Variants in PNPLA1 observed in about 807,000 individuals in gnomAD.
PNPLA1 encodes patatin like domain 1, omega-hydroxyceramide transacylase.
A neutral mutation model predicts 51.7 loss-of-function variants in PNPLA1; 36 were observed. The ratio of observed to expected loss-of-function variants is 0.70; its 90% confidence interval spans 0.53 to 0.92. The LOEUF (loss-of-function observed/expected upper bound fraction) is 0.92. PNPLA1 is among the 40% of genes least tolerant of loss of function. The pLI is 0.00. For synonymous variants in PNPLA1, 293 were observed against 280.1 expected (o/e 1.05, Z -0.46); for missense variants, 658 against 682.5 (o/e 0.96, Z 0.40).
At chr6:36,275,175 C>T (rs138472131) in intron 1 of PNPLA1, among the ~76,000 whole-genome samples, 1 of 152,124 alleles carries the variant, frequency 6.6e-6, no homozygotes, top group Non-Finnish European at 1.5e-5. Context: ...AACTCCTAGG[C>T]TCAAGTGATC....
At chr6:36,311,190 C>A (rs1161555235) in intron 8 of PNPLA1, among the ~76,000 whole-genome samples, 1 of 152,204 alleles carries the variant, frequency 6.6e-6, no homozygotes, top group Non-Finnish European at 1.5e-5. Flanking sequence ...GTTTGAGAAC[C>A]ACTGGATTAC....
At chr6:36,281,174 A>G (rs1770269546) in intron 1 of PNPLA1, among the ~76,000 whole-genome samples, 3 of 152,124 alleles carry the variant, frequency 2.0e-5, no homozygotes. Context: ...AGTGTTCCTT[A>G]ATACATGAAT....
At chr6:36,281,916 G>A (rs1582062789) in intron 1 of PNPLA1, among the ~76,000 whole-genome samples, 1 of 151,802 alleles carries the variant, frequency 6.6e-6, no homozygotes, top group Middle Eastern at 3.4e-3. Context: ...AGCTACTCGG[G>A]GGGCTGAAGC....
In PNPLA1 at chr6:36,260,204, T is replaced by C. The variant is rs532750772; in HGVS notation, c.-81+16943T>C. ...TACTAGGAGGCTGAAGCAGGAGGAT[T>C]GCTTGAGCCCAAGAGTTTAAGGCTG... On this transcript the variant is annotated intron_variant, in intron 1 of 7. Transcript: ENST00000312917. 1.7e-3 allele frequency among the ~76,000 whole-genome samples: 254 copies of C among 152,090 alleles called. 2 individuals are homozygous for C. The highest frequency in any genetic ancestry group is 3.2e-3 in the Non-Finnish European group (219 of 67,984).
At chr6:36,287,107 C>T (rs577201830) in intron 1 of PNPLA1, among the ~76,000 whole-genome samples, 6 of 152,172 alleles carry the variant, frequency 3.9e-5, no homozygotes, top group African/African-American at 1.4e-4. Context: ...GGGATGATCT[C>T]GCCTTCAAGC....
At chr6:36,261,911 A>C (rs570767428) in intron 1 of PNPLA1, among the ~76,000 whole-genome samples, 2 of 152,322 alleles carry the variant, frequency 1.3e-5, no homozygotes, top group East Asian at 3.9e-4. Flanking sequence ...ATGGATGCTG[A>C]TCTGATCCCT....
At chr6:36,296,532 A>C (rs1417541962) in intron 5 of PNPLA1, among the ~76,000 whole-genome samples, 1 of 152,154 alleles carries the variant, frequency 6.6e-6, no homozygotes, top group Non-Finnish European at 1.5e-5. Flanking sequence ...CTTTTTGTGT[A>C]TGTAGCTTTA....
At chr6:36,271,369 C>T (rs1169760845) in intron 1 of PNPLA1, among the ~76,000 whole-genome samples, 1 of 152,208 alleles carries the variant, frequency 6.6e-6, no homozygotes, top group Non-Finnish European at 1.5e-5. Flanking sequence ...GCCTAGTGAG[C>T]TACCTTGGAG....
At chr6:36,276,947 G>A (rs562426174) in intron 1 of PNPLA1, among the ~76,000 whole-genome samples, 2 of 152,320 alleles carry the variant, frequency 1.3e-5, no homozygotes, top group African/African-American at 4.8e-5. Flanking sequence ...CCTATTGAAT[G>A]TTAGAGAATT....
intron 1 of PNPLA1, among the ~76,000 whole-genome samples, chr6:36,248,067 T>C (rs575263402): frequency 6.6e-6 from 1 of 152,276 alleles, no homozygotes; most frequent in African/African-American, 2.4e-5. Context: ...CCGTGTACCA[T>C]GCCCTCTCTC....
intron 2 of PNPLA1, among the ~76,000 whole-genome samples, chr6:36,292,698 A>T (rs1462812468): frequency 6.6e-6 from 1 of 152,156 alleles, no homozygotes; most frequent in Non-Finnish European, 1.5e-5. Context: ...GCACTCCCAA[A>T]GGTGGGCCTC....
chr6:36,290,792 C>A (rs1770650565), intron 1 of PNPLA1, among the ~76,000 whole-genome samples: 1 of 152,204 alleles, frequency 6.6e-6, no homozygotes, highest in South Asian at 2.1e-4. Flanking sequence ...AAGTTCACCT[C>A]CTCCTCATGA....
chr6:36,282,088 A>AGAAAGAAAGAAGGAAGGAAG (rs1554136580), intron 1 of PNPLA1, among the ~76,000 whole-genome samples: 21 of 98,854 alleles, frequency 2.1e-4, no homozygotes, highest in African/African-American at 6.3e-4. Context: ...AAAGAAAGAA[A>AGAAAGAAAGAAGGAAGGAAG]GAAGGAAGGA....
upstream of PNPLA1, among the ~76,000 whole-genome samples, chr6:36,268,188 A>T (rs1397893728): frequency 2.0e-5 from 3 of 151,618 alleles, no homozygotes; most frequent in Admixed American, 6.6e-5. Context: ...TCCCCTTTGG[A>T]CCCTGCCTTT....
intron 5 of PNPLA1, among the ~76,000 whole-genome samples, chr6:36,299,333 CTGTT>C (rs1770955149): frequency 7.0e-6 from 1 of 142,346 alleles, no homozygotes; most frequent in Non-Finnish European, 1.5e-5. Flanking sequence ...GTTTTTTTGT[CTGTT>C]TTTTTTTTTT....
chr6:36,276,286 C>G (rs1406086866), intron 1 of PNPLA1, among the ~76,000 whole-genome samples: 1 of 152,134 alleles, frequency 6.6e-6, no homozygotes, highest in Non-Finnish European at 1.5e-5. Context: ...TTCTCAAGGC[C>G]ACTTCCCCAC....
intron 1 of PNPLA1, among the ~76,000 whole-genome samples, chr6:36,280,771 A>C (rs974736755): frequency 6.6e-6 from 1 of 151,904 alleles, no homozygotes; most frequent in Non-Finnish European, 1.5e-5. Flanking sequence ...TATTGTATTT[A>C]ATATTGGGCT....
intron 1 of PNPLA1, among the ~76,000 whole-genome samples, chr6:36,280,532 G>A (rs1304588629): frequency 6.6e-6 from 1 of 152,198 alleles, no homozygotes; most frequent in Non-Finnish European, 1.5e-5. Flanking sequence ...GCAGACACAA[G>A]CCACTGGCAC....
Position 36,288,958 on chromosome 6 carries a change from G to A in PNPLA1, c.206-2362G>A, listed in dbSNP as rs186619184. Among the ~76,000 whole-genome samples the A allele has an allele frequency of 6.3e-4, 96 of 152,210 alleles. 1 individual carries two copies. The highest frequency in any genetic ancestry group is 2.2e-3 in the African/African-American group (93 of 41,534). Reference sequence around the variant, plus strand: ...CAAATTAGGTTATAAATGGATATTTGTTGACCTGGAAAAACATTCACAACA... The same window carrying A: ...CAAATTAGGTTATAAATGGATATTTATTGACCTGGAAAAACATTCACAACA... On this transcript the variant is annotated intron_variant, in intron 1 of 8. Transcript: ENST00000636260.
Sources: gnomAD v4.1 joint callset for allele counts (sites outside exome capture counted in the v4.1 genomes callset) on GRCh38, gnomAD v4.1.1 for gene constraint, MANE v1.5 for transcripts, NCBI Gene and HGNC (gene_info 2026-07-23, HGNC 2026-07-21) for gene names.